Variants in PAAF1 observed in about 807,000 individuals in gnomAD.
PAAF1 encodes proteasomal ATPase-associated factor 1.
In PAAF1, 46 loss-of-function variants were observed where a neutral mutation model predicts 52.8. The observed-to-expected ratio is 0.87, with a 90% CI of 0.69 to 1.11. The LOEUF is 1.11. PAAF1 is among the 50% of genes most tolerant of loss of function. PAAF1 has a pLI of 0.00. For missense variants in PAAF1, 424 were observed against 477.4 expected (o/e 0.89, Z 1.04); for synonymous variants, 178 against 172.8 (o/e 1.03, Z -0.24).
chr11:73,917,495 T>C (rs529998118), intron 9 of PAAF1, among the ~76,000 whole-genome samples: 23 of 152,370 alleles, frequency 1.5e-4, no homozygotes, highest in Non-Finnish European at 1.5e-5. Flanking sequence ...TTGATTTCCT[T>C]CCTTTTTTCA....
In PAAF1 at chr11:73,929,776, GCTGGGC is replaced by G. The variant is rs1950429402; in HGVS notation, c.*2415_*2420del. The stretch of plus-strand genomic sequence containing the variant: ...AGTCAGATTAAGAAAACAGGATGAG[GCTGGGC>G]ATGGTGGCTCACGCCTATAATCCCA... On this transcript the variant is annotated 3_prime_UTR_variant, in exon 12 of 12. Transcript: ENST00000310571. The G allele has an allele frequency of 6.6e-6, 1 of 152,328 alleles. No homozygotes were observed. Among genetic ancestry groups the G allele is most frequent in the African/African-American group, 2.4e-5 (1 of 41,466 alleles). The allele number at this position is 152,328 out of a possible 1,614,324, so 9.4% of individuals were successfully genotyped here. A position where few individuals can be genotyped will look rare whatever the true frequency, so the allele number is the denominator to read the frequency against.
intron 7 of PAAF1, among the ~76,000 whole-genome samples, chr11:73,911,623 T>C (rs1227877865): frequency 1.7e-5 from 2 of 120,120 alleles, no homozygotes; most frequent in African/African-American, 6.0e-5. Context: ...GTGACCTTCC[T>C]TTTTTTTTTT....
intron 7 of PAAF1, 42 bp downstream of exon 7, chr11:73,909,635 G>GC: frequency 4.5e-6 from 7 of 1,571,498 alleles, no homozygotes; most frequent in Non-Finnish European, 6.1e-6. Context: ...ATTTTCTTAG[G>GC]CCCCCTTCAG....
intron 3 of PAAF1, among the ~76,000 whole-genome samples, chr11:73,889,983 A>G (rs1319709960): frequency 6.6e-6 from 1 of 152,226 alleles, no homozygotes; most frequent in Non-Finnish European, 1.5e-5. Flanking sequence ...TTTGACTTTG[A>G]AACCATTCTT....
chr11:73,922,680 C>T (rs1950252797), intron 10 of PAAF1, among the ~76,000 whole-genome samples: 2 of 152,100 alleles, frequency 1.3e-5, no homozygotes, highest in Admixed American at 6.5e-5. Flanking sequence ...AGCCGGGCAT[C>T]ATGGCGGGCG....
At chr11:73,914,326 C>G (rs1159625264) in intron 7 of PAAF1, 87 bp from the exon 8 acceptor site, 2 of 1,062,232 alleles carry the variant, frequency 1.9e-6, no homozygotes, top group Non-Finnish European at 2.9e-6. Flanking sequence ...CTAACAAAAT[C>G]AGTAATCAAC....
chr11:73,913,615 G>T (rs1949989793), intron 7 of PAAF1, among the ~76,000 whole-genome samples: 1 of 151,638 alleles, frequency 6.6e-6, no homozygotes, highest in Non-Finnish European at 1.5e-5. Context: ...TTGAGAGTGA[G>T]GACCTTATCT....
intron 4 of PAAF1, 39 bp from the exon 5 acceptor site, chr11:73,899,107 C>A (rs747999268): frequency 3.4e-6 from 5 of 1,481,472 alleles, no homozygotes; most frequent in Non-Finnish European, 4.7e-6. Context: ...AAGAGTATTT[C>A]ATTATTTCTA....
At chr11:73,904,655 G>A (rs1385464896) in intron 6 of PAAF1, among the ~76,000 whole-genome samples, 2 of 151,888 alleles carry the variant, frequency 1.3e-5, no homozygotes, top group East Asian at 1.9e-4. Flanking sequence ...GGAGATCTGA[G>A]TCATAGCCAT....
At chr11:73,921,561 T>C (rs1950219236) in intron 10 of PAAF1, 2 of 552,378 alleles carry the variant, frequency 3.6e-6, no homozygotes, top group Non-Finnish European at 7.0e-6. Context: ...TTCTCTCTTC[T>C]GTATAAAACT....
At chr11:73,887,257 G>T in intron 2 of PAAF1, 97 bp from the exon 3 acceptor site, 2 of 796,342 alleles carry the variant, frequency 2.5e-6, no homozygotes. Context: ...CAATTTCATG[G>T]GTATACTATT....
intron 7 of PAAF1, 85 bp downstream of exon 7, chr11:73,909,678 C>A: frequency 1.6e-6 from 2 of 1,236,188 alleles, no homozygotes; most frequent in Non-Finnish European, 2.3e-6. Flanking sequence ...TCTTCCTCAT[C>A]CTTTTCTGCT....
At position 73,909,392 on chromosome 11, in the gene PAAF1, T is replaced by C. The variant is rs773929541; in HGVS notation, c.533-7T>C. 7 of 1,613,562 alleles carry C rather than the reference T, an allele frequency of 4.3e-6. No individual in the cohort carries two copies. In the East Asian group the frequency reaches 8.9e-5, roughly 21 times the overall value. ...CTCCATCTTAGGGAGTTTTTTTCTC[T>C]TGCTAGGTATCCTGGATACAGCCAT... On this transcript the variant is annotated splice_polypyrimidine_tract_variant and splice_region_variant and intron_variant, in intron 6 of 11. Transcript: ENST00000310571.
intron 3 of PAAF1, chr11:73,889,133 C>A: frequency 1.4e-6 from 2 of 1,437,294 alleles, no homozygotes; most frequent in Non-Finnish European, 1.9e-6. Context: ...TGTTTTGGCA[C>A]AGCCTGGGTG....
At chr11:73,914,648 G>C in intron 8 of PAAF1, 144 bp downstream of exon 8, 3 of 521,182 alleles carry the variant, frequency 5.8e-6, no homozygotes, top group Non-Finnish European at 1.1e-5. Flanking sequence ...ACAGTGTAAT[G>C]ATTAAGAGTT....
At chr11:73,900,126 A>T (rs1949556014) in intron 5 of PAAF1, 144 bp from the exon 6 acceptor site, 3 of 797,272 alleles carry the variant, frequency 3.8e-6, no homozygotes, top group Non-Finnish European at 5.8e-6. Flanking sequence ...GAGCTAAGAG[A>T]TCCTTTGGAT....
At chr11:73,902,760 G>A (rs187351868) in intron 6 of PAAF1, among the ~76,000 whole-genome samples, 2 of 152,026 alleles carry the variant, frequency 1.3e-5, no homozygotes, top group African/African-American at 2.4e-5. Flanking sequence ...GCAGTGGCGC[G>A]ATCTTGGCTC....
At chr11:73,898,244 GGGAGA>G (rs1949486723) in intron 4 of PAAF1, among the ~76,000 whole-genome samples, 2 of 136,504 alleles carry the variant, frequency 1.5e-5, no homozygotes, top group South Asian at 2.4e-4. Context: ...GAGAGGGAGA[GGGAGA>G]AGGAGAGGGA....
intron 2 of PAAF1, among the ~76,000 whole-genome samples, chr11:73,884,284 G>C (rs1371795152): frequency 1.3e-5 from 2 of 152,114 alleles, no homozygotes; most frequent in Non-Finnish European, 2.9e-5. Flanking sequence ...AGGATTGCTT[G>C]AGCCCAGCAG....
Sources: allele counts gnomAD v4.1 joint callset (sites outside exome capture counted in the v4.1 genomes callset), GRCh38; gene constraint gnomAD v4.1.1; transcripts MANE v1.5; gene names NCBI Gene and HGNC (gene_info 2026-07-23, HGNC 2026-07-21).